Variants in AGBL1 observed in about 807,000 individuals in gnomAD.
The protein encoded by AGBL1 is cytosolic carboxypeptidase 4.
AGBL1 carries 130 observed loss-of-function variants against 118.9 expected under a neutral mutation model. The ratio of observed to expected loss-of-function variants is 1.09; its 90% confidence interval spans 0.95 to 1.26. The LOEUF (loss-of-function observed/expected upper bound fraction) is 1.26, where lower values mean the gene tolerates loss of function less well. AGBL1 is among the 50% of genes most tolerant of loss of function. The pLI, the probability that AGBL1 is intolerant of heterozygous loss-of-function variation, is 0.00. For synonymous variants in AGBL1, 555 were observed against 478.9 expected (o/e 1.16, Z -2.08); for missense variants, 1,584 against 1,298.1 (o/e 1.22, Z -3.38).
intron 6 of AGBL1, among the ~76,000 whole-genome samples, chr15:86,241,579 G>C (rs780362158): frequency 2.6e-5 from 4 of 152,128 alleles, no homozygotes; most frequent in Non-Finnish European, 5.9e-5. Context: ...CATCTGGTGA[G>C]GGCCTTCTTG....
In AGBL1 at chr15:86,248,872, G is replaced by C. The variant is rs965584202; in HGVS notation, c.735+993G>C. Among the ~76,000 whole-genome samples, 9 of 152,292 alleles carry C rather than the reference G, an allele frequency of 5.9e-5. No individual in the cohort carries two copies. The East Asian group carries it at 1.5e-3, about 26-fold the overall frequency. Reference sequence around the variant, plus strand: ...GAGGGAGCAGGTGTTCTTTTAGAGAGAGAGGTCAAGTCATCTCTGAGCAGA... The same window carrying C: ...GAGGGAGCAGGTGTTCTTTTAGAGACAGAGGTCAAGTCATCTCTGAGCAGA... On this transcript the variant is annotated intron_variant, in intron 7 of 22. Transcript: ENST00000614907.
At chr15:86,224,384 C>T (rs1359827451) in intron 5 of AGBL1, among the ~76,000 whole-genome samples, 1 of 152,094 alleles carries the variant, frequency 6.6e-6, no homozygotes, top group Admixed American at 6.6e-5. Context: ...AGAAAAATCC[C>T]AACATAACTA....
chr15:86,627,077 C>T (rs928910470), intron 21 of AGBL1, among the ~76,000 whole-genome samples: 25 of 151,722 alleles, frequency 1.6e-4, no homozygotes, highest in East Asian at 9.7e-4. Flanking sequence ...CTTGGCTCAC[C>T]GCAACCTCCG....
Position 86,571,335 on chromosome 15 carries a change from G to A in AGBL1, c.2994+16798G>A, listed in dbSNP as rs151108340. Among the ~76,000 whole-genome samples, 401 of 152,256 alleles carry A rather than the reference G, an allele frequency of 2.6e-3. 3 individuals carry two copies. The highest frequency in any genetic ancestry group is 7.3e-3 in the African/African-American group (303 of 41,560). Reference sequence around the variant, plus strand: ...AGCCTCACCATTCAGCAGGTCCCGAGTTCTTGTTTTGCATCCAGGAAGAAT... The same window carrying A: ...AGCCTCACCATTCAGCAGGTCCCGAATTCTTGTTTTGCATCCAGGAAGAAT... On this transcript the variant is annotated intron_variant, in intron 21 of 22. Transcript: ENST00000614907.
intron 6 of AGBL1, among the ~76,000 whole-genome samples, chr15:86,227,229 G>T (rs1445096308): frequency 6.6e-6 from 1 of 152,218 alleles, no homozygotes; most frequent in East Asian, 1.9e-4. Flanking sequence ...GCAATAGCTT[G>T]CTGTCCTCCA....
At chr15:86,155,684 A>T (rs1458623324) in intron 4 of AGBL1, among the ~76,000 whole-genome samples, 1 of 152,040 alleles carries the variant, frequency 6.6e-6, no homozygotes, top group African/African-American at 2.4e-5. Context: ...TATATAGTTG[A>T]TAGGGGAAAG....
chr15:86,769,788 A>T (rs1466364116), intron 22 of AGBL1, among the ~76,000 whole-genome samples: 1 of 152,020 alleles, frequency 6.6e-6, no homozygotes, highest in Non-Finnish European at 1.5e-5. Flanking sequence ...GCTCATTTAG[A>T]GACATGTTTG....
chr15:86,993,282 A>T (rs1567276572), intron 24 of AGBL1, among the ~76,000 whole-genome samples: 1 of 152,188 alleles, frequency 6.6e-6, no homozygotes, highest in Non-Finnish European at 1.5e-5. Context: ...GGCATTTTGT[A>T]CATCAACTCT....
chr15:86,117,705 A>C (rs530780251), intron 1 of AGBL1, among the ~76,000 whole-genome samples: 2 of 152,218 alleles, frequency 1.3e-5, no homozygotes, highest in Non-Finnish European at 2.9e-5. Context: ...CCTGATCATC[A>C]AATGGGACAC....
rs114259008 is a variant in AGBL1 at position 86,605,316 on chromosome 15, A to T, written c.2994+50779A>T. On this transcript the variant is annotated intron_variant, in intron 21 of 22. Coordinates refer to ENST00000614907, the MANE Select transcript of AGBL1 (RefSeq NM_001386094.1). ...GTCCTGTTGGTGACTTTTTAAATAA[A>T]AAAAAAAAGAATCTTACATCTTTAA... Among the ~76,000 whole-genome samples, 1,193 of 152,206 alleles carry T rather than the reference A, an allele frequency of 7.8e-3. 13 individuals carry two copies. The highest frequency in any genetic ancestry group is 0.028 in the South Asian group (137 of 4,808).
chr15:86,204,185 A>G (rs2077952620), intron 5 of AGBL1, among the ~76,000 whole-genome samples: 1 of 152,150 alleles, frequency 6.6e-6, no homozygotes, highest in Non-Finnish European at 1.5e-5. Context: ...TCCTCATTCT[A>G]TGCTTTCTGT....
chr15:86,796,820 C>G (rs966832606), intron 22 of AGBL1, among the ~76,000 whole-genome samples: 1 of 152,190 alleles, frequency 6.6e-6, no homozygotes, highest in Non-Finnish European at 1.5e-5. Context: ...CTGTCTGGCT[C>G]TTTATATGAA....
At chr15:86,581,792 C>T (rs1016874700) in intron 21 of AGBL1, among the ~76,000 whole-genome samples, 8 of 151,958 alleles carry the variant, frequency 5.3e-5, no homozygotes, top group Non-Finnish European at 7.4e-5. Context: ...TTTGTAGTCT[C>T]GGTCAGGAAA....
intron 22 of AGBL1, among the ~76,000 whole-genome samples, chr15:86,765,130 A>T (rs962387682): frequency 2.6e-5 from 4 of 151,992 alleles, no homozygotes; most frequent in African/African-American, 9.7e-5. Context: ...TAAGGATTAC[A>T]TGTGTGGTTT....
chr15:86,832,583 A>T (rs2079120058), intron 22 of AGBL1, among the ~76,000 whole-genome samples: 1 of 152,228 alleles, frequency 6.6e-6, no homozygotes, highest in South Asian at 2.1e-4. Flanking sequence ...TTGCCAAAAC[A>T]TAGAAAGAGT....
intron 24 of AGBL1, among the ~76,000 whole-genome samples, chr15:87,013,431 T>C (rs1440328427): frequency 6.6e-6 from 1 of 152,162 alleles, no homozygotes; most frequent in Non-Finnish European, 1.5e-5. Flanking sequence ...AAAGCTGAAA[T>C]TGCTGCTGTT....
At chr15:86,433,263 C>CTTT (rs1292975189) in intron 18 of AGBL1, among the ~76,000 whole-genome samples, 19 of 54,970 alleles carry the variant, frequency 3.5e-4, no homozygotes, top group East Asian at 1.0e-3. Context: ...CCTCCTCCTT[C>CTTT]TTCTTTTTTT....
chr15:86,635,312 T>C (rs1281684190), intron 21 of AGBL1, among the ~76,000 whole-genome samples: 2 of 3,546 alleles, frequency 5.6e-4, no homozygotes, highest in Non-Finnish European at 9.4e-4. Flanking sequence ...CTCCTCCTCC[T>C]CCTCCTCCTC....
chr15:86,931,716 T>A (rs72754067), intron 23 of AGBL1, among the ~76,000 whole-genome samples: 5,962 of 152,152 alleles, frequency 0.039, 157 homozygotes, highest in Middle Eastern at 0.072. Context: ...GGGGGGACCT[T>A]GGGTAGAAAT....
Sources: allele counts gnomAD v4.1 joint callset (sites outside exome capture counted in the v4.1 genomes callset), GRCh38; gene constraint gnomAD v4.1.1; transcripts MANE v1.5; gene names NCBI Gene and HGNC (gene_info 2026-07-23, HGNC 2026-07-21).